MDN1: variants seen among roughly 807,000 people sequenced by gnomAD.
The protein encoded by MDN1 is midasin.
Under a neutral mutation model 669.2 loss-of-function variants are expected in MDN1, and 266 were observed. The observed-to-expected ratio is 0.40, with a 90% CI of 0.36 to 0.44. The LOEUF (loss-of-function observed/expected upper bound fraction) is 0.44, where lower values mean the gene tolerates loss of function less well. MDN1 is among the 20% of genes least tolerant of loss of function. MDN1 has a pLI of 1.00. For missense variants in MDN1, 5,940 were observed against 6,754.0 expected, an observed-to-expected ratio of 0.88 and a Z score of 4.22; for synonymous variants, 2,385 against 2,457.1, an observed-to-expected ratio of 0.97 and a Z score of 0.87.
Position 89,676,120 on chromosome 6 carries a change from T to TAG in MDN1, c.12626_12627insCT (p.Leu4210TyrfsTer2). 6.2e-7 allele frequency: 1 copy of TAG among 1,614,202 alleles called. No homozygotes were observed. The highest frequency in any genetic ancestry group is 1.1e-5 in the South Asian group (1 of 91,086). On this transcript the variant is annotated frameshift_variant, in exon 77 of 102. Transcript: ENST00000369393. LOFTEE classifies it high-confidence loss of function. ...ATTCTACCTTGGCAGGAGTTGCTAG[T>TAG]GCTGCGTTAAGCCTGGCATGCCGTG...
rs1216004414 is a variant in MDN1, at chr6:89,698,716, T to G, written c.9168+149A>C. ...TAACATGGTATACTTTTACTGACAGTACACTTATTTAACATTCTGCAGAAA... is the reference window on the plus strand; with the variant it reads ...TAACATGGTATACTTTTACTGACAGGACACTTATTTAACATTCTGCAGAAA... On this transcript the variant is annotated intron_variant, in intron 59 of 101. Coordinates refer to ENST00000369393, the MANE Select transcript of MDN1 (RefSeq NM_014611.3). 6.7e-6 allele frequency: 5 copies of G among 743,402 alleles called. No homozygotes were observed. In the East Asian group the frequency reaches 1.3e-4, roughly 19 times the overall value. 46.1% of individuals were successfully genotyped at this position (743,402 alleles called of 1,614,324 possible).
chr6:89,670,173 T>G lies in MDN1; in HGVS notation c.13956+746A>C, dbSNP rs1205772066. On this transcript the variant is annotated intron_variant, in intron 83 of 101. Coordinates refer to ENST00000369393, the MANE Select transcript of MDN1 (RefSeq NM_014611.3). Reference sequence around the variant, plus strand: ...ATATATATATATATATATATATATTTTTTTTTTTTTTTTTTTTGAGATGCA... The same window carrying G: ...ATATATATATATATATATATATATTGTTTTTTTTTTTTTTTTTGAGATGCA... 2.4e-4 allele frequency among the ~76,000 whole-genome samples: 17 copies of G among 70,816 alleles called. No individual in the cohort carries two copies. In the South Asian group the frequency reaches 0.012, roughly 50 times the overall value. 46.5% of individuals were successfully genotyped at this position (70,816 alleles called of 152,430 possible).
Position 89,695,280 on chromosome 6 carries a change from G to A in MDN1, c.9771+325C>T, listed in dbSNP as rs1429623630. 2.0e-5 allele frequency among the ~76,000 whole-genome samples: 3 copies of A among 152,058 alleles called. No individual in the cohort carries two copies. The highest frequency in any genetic ancestry group is 7.2e-5 in the African/African-American group (3 of 41,410). Reference sequence around the variant, plus strand: ...CCCAAATATCCAAAACTAAGCTCAGGTAGAGAGAGTCCAGAGACAGTGAGA... The same window carrying A: ...CCCAAATATCCAAAACTAAGCTCAGATAGAGAGAGTCCAGAGACAGTGAGA... On this transcript the variant is annotated intron_variant, in intron 61 of 101. Transcript: ENST00000369393. The surrounding 1 kb of genome is among the most constrained non-coding windows in gnomAD (Gnocchi z 4.1).
chr6:89,648,813 CA>C (rs61330666), intron 97 of MDN1, among the ~76,000 whole-genome samples: 69 of 122,074 alleles, frequency 5.7e-4, no homozygotes, highest in Admixed American at 6.2e-4. Flanking sequence ...ACCCTGTCTT[CA>C]AAAAAAAAAA....
rs114896365 is a variant in MDN1 at position 89,803,332 on chromosome 6, G to A, written c.325C>T (p.Leu109Phe). Reference sequence around the variant, plus strand: ...AATAATAAAATTGCTACTCACGGGAGGACATCAGGATGGTTACCAATGAGT... The same window carrying A: ...AATAATAAAATTGCTACTCACGGGAAGACATCAGGATGGTTACCAATGAGT... ...SKLIGNHPDV[L>F]PFALRYFKDT... The change falls in exon 2 of 102, where the codon CTC becomes TTC. Residue 109 changes from leucine (L) to phenylalanine (F), a missense_variant. By Grantham distance (22) the Leu-to-Phe change is conservative. Around this residue, in one of 5 missense-constraint regions of MDN1, gnomAD observed 1,203 missense variants for 1,268.9 expected, o/e 0.95. Coordinates refer to ENST00000369393, the MANE Select transcript of MDN1 (RefSeq NM_014611.3). 213 of 1,613,160 alleles carry A rather than the reference G, an allele frequency of 1.3e-4. 1 individual carries two copies. In the African/African-American group the frequency reaches 2.5e-3, roughly 19 times the overall value.
Position 89,714,692 on chromosome 6 carries a change from C to G in MDN1, c.6920G>C (p.Gly2307Ala). Residue 2307 changes from glycine (G) to alanine (A), a missense_variant, in exon 46 of 102, where the codon GGA becomes GCA. Gly to Ala is a moderately conservative substitution (Grantham distance 60). Around this residue, in one of 5 missense-constraint regions of MDN1, gnomAD observed 2,292 missense variants for 2,638.3 expected, o/e 0.87. Transcript: ENST00000369393. ...GDISRAMRNRGLEIYISGEGD... is the reference protein window; with the variant it reads ...GDISRAMRNRALEIYISGEGD... ...TTCCCCTGAAATGTAGATTTCAAGT[C>G]CACGATTCCTCATAGCTCGGGATAT... is the stretch of plus-strand genomic sequence containing the variant. 6.2e-7 allele frequency: 1 copy of G among 1,614,074 alleles called. No individual in the cohort carries two copies. The highest frequency in any genetic ancestry group is 8.5e-7 in the Non-Finnish European group (1 of 1,180,002).
chr6:89,809,431 G>C (rs892515891), intron 1 of MDN1, among the ~76,000 whole-genome samples: 1 of 151,982 alleles, frequency 6.6e-6, no homozygotes, highest in Non-Finnish European at 1.5e-5. Flanking sequence ...AGGAGTTTGA[G>C]ACCAGCCTGG....
chr6:89,774,793 T>A (rs1277410413), intron 12 of MDN1, 60 bp from the exon 13 acceptor site: 5 of 1,197,280 alleles, frequency 4.2e-6, no homozygotes, highest in Non-Finnish European at 6.2e-6. Context: ...TATTTCCTCA[T>A]CCAGAGGCTT....
chr6:89,682,699 T>TAAAAAAAAAAAAAAAAAA (rs143107841), intron 73 of MDN1, among the ~76,000 whole-genome samples: 7 of 96,856 alleles, frequency 7.2e-5, no homozygotes, highest in East Asian at 2.3e-4. Context: ...GACTCTGTCT[T>TAAAAAAAAAAAAAAAAAA]AAAAAAAAAA....
chr6:89,713,336 T>C, intron 46 of MDN1, 40 bp from the exon 47 acceptor site: 1 of 1,526,504 alleles, frequency 6.6e-7, no homozygotes, highest in South Asian at 1.2e-5. Flanking sequence ...AATAGAGTCT[T>C]TAAAATCTCC....
intron 65 of MDN1, among the ~76,000 whole-genome samples, chr6:89,689,119 T>C (rs1343025198): frequency 6.6e-6 from 1 of 152,218 alleles, no homozygotes; most frequent in Non-Finnish European, 1.5e-5. Flanking sequence ...TGAGCTGAGA[T>C]TGTGCCACTG....
At position 89,643,921 on chromosome 6, in the gene MDN1, G is replaced by C; in HGVS notation, c.*84C>G. Reference sequence around the variant, plus strand: ...TAAAAATATTACAATAAAATTTTTTGTAGTTGTCCAAAAGGGAGCACCTGG... The same window carrying C: ...TAAAAATATTACAATAAAATTTTTTCTAGTTGTCCAAAAGGGAGCACCTGG... On this transcript the variant is annotated 3_prime_UTR_variant, in exon 102 of 102. Coordinates refer to ENST00000369393, the MANE Select transcript of MDN1 (RefSeq NM_014611.3). The C allele has an allele frequency of 6.1e-6, 7 of 1,154,746 alleles. No individual in the cohort carries two copies. The highest frequency in any genetic ancestry group is 7.2e-6 in the Non-Finnish European group (6 of 838,290). 71.5% of individuals were successfully genotyped at this position (1,154,746 alleles called of 1,614,324 possible). A position where few individuals can be genotyped will look rare whatever the true frequency, so the allele number is the denominator to read the frequency against.
At chr6:89,755,906 A>T (rs748083977) in intron 20 of MDN1, among the ~76,000 whole-genome samples, 44 of 152,222 alleles carry the variant, frequency 2.9e-4, no homozygotes, top group Non-Finnish European at 5.1e-4. Context: ...TTCTCCTTAC[A>T]TCCCACATAG....
Position 89,643,679 on chromosome 6 carries a change from C to A in MDN1, c.*326G>T. ...CAGCATCTCCTCAAGGCACAGGTGC[C>A]CAGATCCCCTGCAAAAGAAAACAGG... On this transcript the variant is annotated 3_prime_UTR_variant, in exon 102 of 102. Transcript: ENST00000369393. 4.7e-6 allele frequency: 1 copy of A among 214,532 alleles called. No homozygotes were observed. Among genetic ancestry groups the A allele is most frequent in the Non-Finnish European group, 9.3e-6 (1 of 107,662 alleles). The allele number at this position is 214,532 out of a possible 1,614,324, so 13.3% of individuals were successfully genotyped here.
At chr6:89,661,312 G>T in intron 88 of MDN1, 119 bp downstream of exon 88, 2 of 1,142,030 alleles carry the variant, frequency 1.8e-6, no homozygotes, top group Non-Finnish European at 2.5e-6. Flanking sequence ...GACTGGGATT[G>T]AGCCTACCAA....
rs529302673 is a variant in MDN1 at position 89,696,252 on chromosome 6, C to T, written c.9383+108G>A. ...ATTCAGGCAGAAAATACCCTCACTT[C>T]AAACACCAGAACTAGCCACTACAGA... On this transcript the variant is annotated intron_variant, in intron 60 of 101. Transcript: ENST00000369393. 5 of 1,240,678 alleles carry T rather than the reference C, an allele frequency of 4.0e-6. No individual in the cohort carries two copies. In the African/African-American group the frequency reaches 4.5e-5, roughly 11 times the overall value. 76.9% of individuals were successfully genotyped at this position (1,240,678 alleles called of 1,614,324 possible). A position where few individuals can be genotyped will look rare whatever the true frequency, so the allele number is the denominator to read the frequency against.
chr6:89,732,774 C>A lies in MDN1; in HGVS notation c.4725G>T (p.Gly1575=), dbSNP rs773072846. The A allele has an allele frequency of 1.9e-6, 3 of 1,613,038 alleles. No individual in the cohort carries two copies. Among genetic ancestry groups the A allele is most frequent in the Non-Finnish European group, 8.5e-7 (1 of 1,179,642 alleles). The change falls in exon 34 of 102, where the codon GGG becomes GGT. Residue 1575 remains glycine, a splice_region_variant and synonymous_variant. Coordinates refer to ENST00000369393, the MANE Select transcript of MDN1 (RefSeq NM_014611.3). ...GLCLGRIDPK[G]SDIPEVMLDF... is the part of the protein sequence containing the mutation. ...CCAGCATCACTTCAGGTATGTCAGACCCTAAACACAAGAAACAAAAAAAGC... is the reference window on the plus strand; with the variant it reads ...CCAGCATCACTTCAGGTATGTCAGAACCTAAACACAAGAAACAAAAAAAGC...
At chr6:89,661,965 G>A in intron 87 of MDN1, 122 bp downstream of exon 87, 2 of 1,100,710 alleles carry the variant, frequency 1.8e-6, no homozygotes, top group South Asian at 3.2e-5. Flanking sequence ...ATTCTTTTAT[G>A]AGGTAATGGG....
Position 89,655,937 on chromosome 6 carries a change from T to C in MDN1, c.15317A>G (p.Asn5106Ser), listed in dbSNP as rs376815063. ...ATTGTGATCACCCATGGAACGTTCA[T>C]TGTCAGCCTGCCCAGGTTTCCTCTT... ...SFKRKPGQAD[N>S]ERSMGDHNER... The change falls in exon 92 of 102, where the codon AAT becomes AGT. Residue 5106 changes from asparagine (N) to serine (S), a missense_variant. By Grantham distance (46) the Asn-to-Ser change is conservative. Transcript: ENST00000369393. The C allele has an allele frequency of 2.0e-5, 33 of 1,613,908 alleles. No homozygotes were observed. In the African/African-American group the frequency reaches 2.3e-4, roughly 11 times the overall value.
Sources: gnomAD v4.1 joint callset for allele counts (sites outside exome capture counted in the v4.1 genomes callset) on GRCh38, gnomAD v4.1.1 for gene constraint, gnomAD v4.1.1 regional missense constraint, Gnocchi (gnomAD v3.1) non-coding constraint, MANE v1.5 for transcripts, NCBI Gene and HGNC (gene_info 2026-07-23, HGNC 2026-07-21) for gene names.